PNPLA3: variants seen among roughly 807,000 people sequenced by gnomAD.
The protein encoded by PNPLA3 is 1-acylglycerol-3-phosphate O-acyltransferase PNPLA3.
In PNPLA3, 42 loss-of-function variants were observed where a neutral mutation model predicts 43.1. That is an observed-to-expected ratio of 0.97 (90% CI 0.76 to 1.26). The LOEUF (loss-of-function observed/expected upper bound fraction) is 1.26, where lower values mean the gene tolerates loss of function less well. Among genes scored for constraint, PNPLA3 ranks in the 50% most tolerant of loss-of-function variants. The pLI is 0.00. For missense variants in PNPLA3, 647 were observed against 621.4 expected, an observed-to-expected ratio of 1.04 and a Z score of -0.44; for synonymous variants, 272 against 253.6, an observed-to-expected ratio of 1.07 and a Z score of -0.69.
intron 7 of PNPLA3, among the ~76,000 whole-genome samples, chr22:43,943,270 T>C (rs1250347627): frequency 2.6e-5 from 4 of 152,006 alleles, no homozygotes; most frequent in Admixed American, 6.5e-5. Context: ...TCTTTTATGC[T>C]ACTTATTCTG....
At chr22:43,940,172 AG>A in intron 7 of PNPLA3, 47 bp downstream of exon 7, 1 of 1,574,132 alleles carries the variant, frequency 6.4e-7, no homozygotes, top group South Asian at 1.1e-5. Context: ...GGTTGATATG[AG>A]GATGAAACAA....
At chr22:43,928,035 A>G (rs1317205892) in intron 2 of PNPLA3, among the ~76,000 whole-genome samples, 2 of 152,256 alleles carry the variant, frequency 1.3e-5, no homozygotes, top group Admixed American at 1.3e-4. Flanking sequence ...AACGTGCCTT[A>G]TTTGCCTGTA....
intron 1 of PNPLA3, chr22:43,924,423 C>A (rs889587163): frequency 1.2e-5 from 4 of 326,790 alleles, no homozygotes; most frequent in Non-Finnish European, 2.2e-5. Flanking sequence ...CTCGGAGCGA[C>A]GGGGAGTAGG....
At chr22:43,929,038 C>T in intron 3 of PNPLA3, 149 bp downstream of exon 3, 2 of 793,544 alleles carry the variant, frequency 2.5e-6, no homozygotes, top group Non-Finnish European at 4.2e-6. Context: ...ACAGAGTAGC[C>T]ACAGCTGGCC....
intron 1 of PNPLA3, among the ~76,000 whole-genome samples, chr22:43,925,937 G>A (rs2049919115): frequency 6.6e-6 from 1 of 152,170 alleles, no homozygotes; most frequent in African/African-American, 2.4e-5. Context: ...GCAGCCTGGG[G>A]CTTTCCCAGG....
Position 43,928,837 on chromosome 22 carries a change from C to T in PNPLA3, c.434C>T (p.Ser145Phe), listed in dbSNP as rs1383637440. Residue 145 changes from serine (S) to phenylalanine (F), a missense_variant, in exon 3 of 9, where the codon TCC (serine) becomes TTC (phenylalanine). Ser to Phe is a radical substitution (Grantham distance 155). Transcript: ENST00000216180. ...TTGCTTTCACAGGCCTTGGTATGTT[C>T]CTGCTTCATCCCCTTCTACAGTGGC... ...KDEVVDALVC[S>F]CFIPFYSGLI... The T allele has an allele frequency of 6.2e-7, 1 of 1,611,228 alleles. No homozygotes were observed.
rs2146795078 is a variant in PNPLA3 at position 43,947,500 on chromosome 22, G to C, written c.*1118G>C. On this transcript the variant is annotated 3_prime_UTR_variant, in exon 9 of 9. Transcript: ENST00000216180. ...ACTTGAACCTGGCTTATTTTCTGCAGGGACCAGCCCCACATGGTCAGTGAG... is the reference window on the plus strand; with the variant it reads ...ACTTGAACCTGGCTTATTTTCTGCACGGACCAGCCCCACATGGTCAGTGAG... 1 of 160,410 alleles carries C rather than the reference G, an allele frequency of 6.2e-6. No individual in the cohort carries two copies. The highest frequency in any genetic ancestry group is 1.4e-5 in the Non-Finnish European group (1 of 73,466). 9.9% of individuals were successfully genotyped at this position (160,410 alleles called of 1,614,324 possible). A position where few individuals can be genotyped will look rare whatever the true frequency, so the allele number is the denominator to read the frequency against.
Position 43,944,799 on chromosome 22 carries a change from A to G in PNPLA3, c.1217+4A>G. 1 of 1,613,742 alleles carries G rather than the reference A, an allele frequency of 6.2e-7. No homozygotes were observed. Among genetic ancestry groups the G allele is most frequent in the African/African-American group, 1.3e-5 (1 of 75,038 alleles). On this transcript the variant is annotated splice_donor_region_variant and intron_variant, in intron 8 of 8. Transcript: ENST00000216180. ...TGTGTCTGCTCCCCGCCTCCAGGTA[A>G]ATACTTTGGCTGTGGGTGTGTGGGC...
Position 43,946,218 on chromosome 22 carries a change from T to C in PNPLA3, c.1282T>C (p.Trp428Arg). The stretch of plus-strand genomic sequence containing the variant: ...CACACCTGAGCAGGACTGGCCCTGC[T>C]GGACTCCCTGCTCCCCCAAGGGCTG... Reference protein sequence around the residue: ...PCTPEQDWPCWTPCSPKGCPA... With the variant: ...PCTPEQDWPCRTPCSPKGCPA... The change falls in exon 9 of 9, where the codon TGG becomes CGG. Residue 428 changes from tryptophan (W) to arginine (R), a missense_variant. Trp to Arg is a moderately radical substitution (Grantham distance 101, BLOSUM62 -3). Coordinates refer to ENST00000216180, the MANE Select transcript of PNPLA3 (RefSeq NM_025225.3). 1 of 1,614,160 alleles carries C rather than the reference T, an allele frequency of 6.2e-7. No homozygotes were observed. Among genetic ancestry groups the C allele is most frequent in the Non-Finnish European group, 8.5e-7 (1 of 1,180,018 alleles).
intron 7 of PNPLA3, among the ~76,000 whole-genome samples, chr22:43,943,323 C>T (rs1201279589): frequency 2.0e-5 from 3 of 152,062 alleles, no homozygotes; most frequent in African/African-American, 7.2e-5. Flanking sequence ...CAACAGAGGA[C>T]TTGGAGCTCA....
At chr22:43,927,346 G>C (rs1156895436) in intron 2 of PNPLA3, among the ~76,000 whole-genome samples, 179 bp downstream of exon 2, 1 of 152,090 alleles carries the variant, frequency 6.6e-6, no homozygotes, top group Non-Finnish European at 1.5e-5. Context: ...AGAAAAATTA[G>C]CTAGGCATGG....
At chr22:43,941,172 A>C (rs2050028686) in intron 7 of PNPLA3, among the ~76,000 whole-genome samples, 2 of 145,532 alleles carry the variant, frequency 1.4e-5, no homozygotes, top group Non-Finnish European at 3.0e-5. Flanking sequence ...AAAAAAAATC[A>C]AATCACATGA....
At position 43,927,013 on chromosome 22, in the gene PNPLA3, A is replaced by C; in HGVS notation, c.266A>C (p.Asn89Thr). ...ATTGGCATCTTCCATCCATCCTTCA[A>C]CTTAAGCAAGTTCCTCCGACAGGGT... Reference protein sequence around the residue: ...RNIGIFHPSFNLSKFLRQGLC... With the variant: ...RNIGIFHPSFTLSKFLRQGLC... Residue 89 changes from asparagine to threonine, a missense_variant, in exon 2 of 9, where the codon AAC becomes ACC. Transcript: ENST00000216180. 6.2e-7 allele frequency: 1 copy of C among 1,614,206 alleles called. No homozygotes were observed. Among genetic ancestry groups the C allele is most frequent in the Non-Finnish European group, 8.5e-7 (1 of 1,180,048 alleles).
Position 43,939,534 on chromosome 22 carries a change from G to A in PNPLA3, c.980-459G>A, listed in dbSNP as rs970851509. 31 of 679,306 alleles carry A rather than the reference G, an allele frequency of 4.6e-5. No homozygotes were observed. The African/African-American group carries it at 5.5e-4, about 12-fold the overall frequency. The allele number at this position is 679,306 out of a possible 1,614,324, so 42.1% of individuals were successfully genotyped here. Reference sequence around the variant, plus strand: ...CCTTGCTGTGAAGGGAGCAGCCTGGGCCGGGCGCGGTGGCTTACACCTGTA... The same window carrying A: ...CCTTGCTGTGAAGGGAGCAGCCTGGACCGGGCGCGGTGGCTTACACCTGTA... On this transcript the variant is annotated intron_variant, in intron 6 of 8. Coordinates refer to ENST00000216180, the MANE Select transcript of PNPLA3 (RefSeq NM_025225.3).
Position 43,946,778 on chromosome 22 carries a change from G to C in PNPLA3, c.*396G>C, listed in dbSNP as rs1454411714. ...CCATGTGTGATCTTGTGGGGTGGAGGGAAGAGAATAGCATGATCCCACTTC... is the reference window on the plus strand; with the variant it reads ...CCATGTGTGATCTTGTGGGGTGGAGCGAAGAGAATAGCATGATCCCACTTC... On this transcript the variant is annotated 3_prime_UTR_variant, in exon 9 of 9. Coordinates refer to ENST00000216180, the MANE Select transcript of PNPLA3 (RefSeq NM_025225.3). The C allele has an allele frequency of 5.7e-6, 3 of 523,804 alleles. No homozygotes were observed. The highest frequency in any genetic ancestry group is 4.2e-5 in the South Asian group (3 of 71,348). The allele number at this position is 523,804 out of a possible 1,614,324, so 32.4% of individuals were successfully genotyped here.
At position 43,934,661 on chromosome 22, in the gene PNPLA3, A is replaced by T; in HGVS notation, c.752A>T (p.Glu251Val). Residue 251 changes from glutamate to valine, a missense_variant, in exon 5 of 9, where the codon GAG becomes GTG. By Grantham distance (121) the Glu-to-Val change is moderately radical. Coordinates refer to ENST00000216180, the MANE Select transcript of PNPLA3 (RefSeq NM_025225.3). ...GYLDAFRFLE[E>V]KGICNRPQPG... is the part of the protein sequence containing the mutation. ...TTGGATGCATTCAGGTTCTTGGAAGAGAAGGGTATGTATGGGCTGGGAGGA... is the reference window on the plus strand; with the variant it reads ...TTGGATGCATTCAGGTTCTTGGAAGTGAAGGGTATGTATGGGCTGGGAGGA... 6.2e-7 allele frequency: 1 copy of T among 1,612,478 alleles called. No individual in the cohort carries two copies. Among genetic ancestry groups the T allele is most frequent in the Non-Finnish European group, 8.5e-7 (1 of 1,178,510 alleles).
chr22:43,944,826 G>A (rs1333509317), intron 8 of PNPLA3, 31 bp downstream of exon 8: 23 of 1,566,102 alleles, frequency 1.5e-5, no homozygotes, highest in Non-Finnish European at 1.9e-5. Context: ...TGTGTGGGCC[G>A]GACGGGCACC....
chr22:43,929,021 C>T lies in PNPLA3; in HGVS notation c.486+132C>T, dbSNP rs535885248. 29 of 920,616 alleles carry T rather than the reference C, an allele frequency of 3.2e-5. No homozygotes were observed. The African/African-American group carries it at 4.5e-4, about 14-fold the overall frequency. The allele number at this position is 920,616 out of a possible 1,614,324, so 57.0% of individuals were successfully genotyped here. On this transcript the variant is annotated intron_variant, in intron 3 of 8. Transcript: ENST00000216180. Reference sequence around the variant, plus strand: ...ATGGTGGAGCCCCATGCCTCACTGCCTTTCAGACAGAGTAGCCACAGCTGG... The same window carrying T: ...ATGGTGGAGCCCCATGCCTCACTGCTTTTCAGACAGAGTAGCCACAGCTGG...
chr22:43,930,806 C>T lies in PNPLA3; in HGVS notation c.486+1917C>T, dbSNP rs1485114023. Among the ~76,000 whole-genome samples the T allele has an allele frequency of 3.9e-5, 6 of 152,298 alleles. No individual in the cohort carries two copies. The East Asian group carries it at 7.7e-4, about 20-fold the overall frequency. On this transcript the variant is annotated intron_variant, in intron 3 of 8. Coordinates refer to ENST00000216180, the MANE Select transcript of PNPLA3 (RefSeq NM_025225.3). ...GGTCTGTGCCGGCTCACTTGCTAGT[C>T]TTGCATCCTTCCCCAACCCCCTCTG...
Sources: gnomAD v4.1 joint callset for allele counts (sites outside exome capture counted in the v4.1 genomes callset) on GRCh38, gnomAD v4.1.1 for gene constraint, MANE v1.5 for transcripts, NCBI Gene and HGNC (gene_info 2026-07-23, HGNC 2026-07-21) for gene names.